ETV6: variants seen among roughly 807,000 people sequenced by gnomAD.
ETV6 encodes the protein ETS variant transcription factor 6.
Under a neutral mutation model 51.1 loss-of-function variants are expected in ETV6, and 16 were observed. That is an observed-to-expected ratio of 0.31 (90% CI 0.21 to 0.48). The LOEUF (loss-of-function observed/expected upper bound fraction) is 0.48. Among genes scored for constraint, ETV6 ranks in the 20% least tolerant of loss-of-function variants. The pLI, the probability that ETV6 is intolerant of heterozygous loss-of-function variation, is 0.99. For synonymous variants in ETV6, 240 were observed against 224.1 expected, an observed-to-expected ratio of 1.07 and a Z score of -0.64; for missense variants, 458 against 594.8, an observed-to-expected ratio of 0.77 and a Z score of 2.39.
intron 1 of ETV6, among the ~76,000 whole-genome samples, chr12:11,744,323 A>G (rs962485341): frequency 2.0e-5 from 3 of 152,236 alleles, no homozygotes; most frequent in African/African-American, 7.2e-5. Flanking sequence ...AGCAGCTAAT[A>G]AAGAGCTGAA....
At chr12:11,665,746 G>A (rs1864182205) in intron 1 of ETV6, among the ~76,000 whole-genome samples, 2 of 152,300 alleles carry the variant, frequency 1.3e-5, no homozygotes, top group South Asian at 4.1e-4. Context: ...CCTGTGTTTT[G>A]AAACATATCA....
At chr12:11,790,211 C>T (rs1210673711) in intron 2 of ETV6, among the ~76,000 whole-genome samples, 3 of 151,474 alleles carry the variant, frequency 2.0e-5, no homozygotes, top group Non-Finnish European at 2.9e-5. Flanking sequence ...TATCTTATTT[C>T]TCTCTGGATG....
intron 4 of ETV6, among the ~76,000 whole-genome samples, chr12:11,861,644 G>T (rs1451324567): frequency 6.6e-6 from 1 of 152,116 alleles, no homozygotes; most frequent in Non-Finnish European, 1.5e-5. Context: ...CACAAGACAG[G>T]CAGGAAGTCT....
chr12:11,792,507 T>C (rs1436224693), intron 2 of ETV6, among the ~76,000 whole-genome samples: 2 of 152,098 alleles, frequency 1.3e-5, no homozygotes, highest in Non-Finnish European at 2.9e-5. Flanking sequence ...GCCAACATGG[T>C]GAAACCCTGT....
intron 1 of ETV6, among the ~76,000 whole-genome samples, chr12:11,680,750 TGTACCATGTTCAG>T (rs1184705638): frequency 6.6e-6 from 1 of 152,180 alleles, no homozygotes; most frequent in Non-Finnish European, 1.5e-5. Flanking sequence ...AGACAGTAGT[TGTACCATGTTCAG>T]GAACTGGCCA....
intron 2 of ETV6, among the ~76,000 whole-genome samples, chr12:11,817,718 A>G (rs150309984): frequency 2.0e-3 from 302 of 152,348 alleles, no homozygotes; most frequent in African/African-American, 6.9e-3. Flanking sequence ...TGCCAGCTCA[A>G]GAGCATGAAC....
rs185123679 is a variant in ETV6 at position 11,679,929 on chromosome 12, T to A, written c.33+29769T>A. Among the ~76,000 whole-genome samples the A allele has an allele frequency of 1.5e-4, 23 of 152,346 alleles. No individual in the cohort carries two copies. The East Asian group carries it at 4.0e-3, about 27-fold the overall frequency. On this transcript the variant is annotated intron_variant, in intron 1 of 7. Transcript: ENST00000396373. The stretch of plus-strand genomic sequence containing the variant: ...AGTTTACAAATCTCTTCTCATTGAT[T>A]TCATTTTAGTTTGGCATCATGGTCT...
chr12:11,697,698 T>C (rs2724657), intron 1 of ETV6, among the ~76,000 whole-genome samples: 70,546 of 152,102 alleles, frequency 0.46, 18,429 homozygotes, highest in Non-Finnish European at 0.59. Context: ...GTCTGAGTAG[T>C]GTAGCATATC....
chr12:11,739,229 G>A (rs1865764760), intron 1 of ETV6, among the ~76,000 whole-genome samples: 1 of 152,116 alleles, frequency 6.6e-6, no homozygotes, highest in Non-Finnish European at 1.5e-5. Context: ...TCTAGTATGA[G>A]GGACTCTGAT....
At chr12:11,801,723 C>G (rs762722) in intron 2 of ETV6, among the ~76,000 whole-genome samples, 95,896 of 152,090 alleles carry the variant, frequency 0.63, 30,324 homozygotes, top group African/African-American at 0.66. Context: ...TCAGATATGA[C>G]GAATCAAACT....
At chr12:11,884,890 G>A (rs143609603) in intron 6 of ETV6, among the ~76,000 whole-genome samples, 1 of 152,108 alleles carries the variant, frequency 6.6e-6, no homozygotes. Flanking sequence ...CTGTTGTTAG[G>A]AACTGGGTAA....
intron 1 of ETV6, among the ~76,000 whole-genome samples, chr12:11,711,738 A>T (rs11054426): frequency 1.4e-4 from 22 of 152,238 alleles, no homozygotes; most frequent in Non-Finnish European, 2.9e-4. Flanking sequence ...CTGTAAAATG[A>T]ATAAGGTATA....
At chr12:11,850,168 A>G (rs1281715406) in intron 3 of ETV6, among the ~76,000 whole-genome samples, 1 of 152,120 alleles carries the variant, frequency 6.6e-6, no homozygotes, top group Non-Finnish European at 1.5e-5. Flanking sequence ...TCTAGGTAGG[A>G]AACTGGCCGA....
At chr12:11,829,817 G>T in intron 2 of ETV6, among the ~76,000 whole-genome samples, 1 of 152,192 alleles carries the variant, frequency 6.6e-6, no homozygotes, top group Non-Finnish European at 1.5e-5. Context: ...TGGAAACTTA[G>T]TGCTGAGATA....
At chr12:11,865,175 C>T (rs368540139) in intron 4 of ETV6, among the ~76,000 whole-genome samples, 8 of 147,772 alleles carry the variant, frequency 5.4e-5, no homozygotes, top group African/African-American at 7.5e-5. Flanking sequence ...GGCGTGAACC[C>T]GGGAGGTGGA....
At chr12:11,742,755 GA>G (rs1337519203) in intron 1 of ETV6, among the ~76,000 whole-genome samples, 2 of 150,780 alleles carry the variant, frequency 1.3e-5, no homozygotes, top group Non-Finnish European at 3.0e-5. Context: ...TTTGTTGCAA[GA>G]AGATCAAAAT....
At chr12:11,711,431 A>G (rs1367207150) in intron 1 of ETV6, among the ~76,000 whole-genome samples, 1 of 152,210 alleles carries the variant, frequency 6.6e-6, no homozygotes, top group East Asian at 1.9e-4. Context: ...GAGGGAACAG[A>G]AGTGATCCCA....
intron 1 of ETV6, among the ~76,000 whole-genome samples, chr12:11,668,486 CAT>C (rs763293486): frequency 6.6e-6 from 1 of 151,700 alleles, no homozygotes; most frequent in Non-Finnish European, 1.5e-5. Flanking sequence ...AAAAGAGTAT[CAT>C]GTGAGATTAG....
At chr12:11,831,205 CTGTGTCTGTG>C (rs755233581) in intron 2 of ETV6, among the ~76,000 whole-genome samples, 13 of 151,642 alleles carry the variant, frequency 8.6e-5, no homozygotes, top group East Asian at 3.9e-4. Context: ...GTGTGTGTGT[CTGTGTCTGTG>C]TGTGTCTGTG....
Sources: gnomAD v4.1 joint callset for allele counts (sites outside exome capture counted in the v4.1 genomes callset) on GRCh38, gnomAD v4.1.1 for gene constraint, MANE v1.5 for transcripts, NCBI Gene and HGNC (gene_info 2026-07-23, HGNC 2026-07-21) for gene names.